Variants in CBL observed in about 807,000 individuals in gnomAD.
CBL encodes E3 ubiquitin-protein ligase CBL.
In CBL, 45 loss-of-function variants were observed where a neutral mutation model predicts 96.9. The ratio of observed to expected loss-of-function variants is 0.46; its 90% CI spans 0.37 to 0.60. The LOEUF (loss-of-function observed/expected upper bound fraction) is 0.60, where lower values mean the gene tolerates loss of function less well. Among genes scored for constraint, CBL ranks in the 20% least tolerant of loss-of-function variants. CBL has a pLI of 0.00. For synonymous variants in CBL, 420 were observed against 426.8 expected, an observed-to-expected ratio of 0.98 and a Z score of 0.20; for missense variants, 1,024 against 1,143.5, an observed-to-expected ratio of 0.90 and a Z score of 1.51.
chr11:119,290,720 G>A (rs1441259537), intron 12 of CBL, among the ~76,000 whole-genome samples: 1 of 150,086 alleles, frequency 6.7e-6, no homozygotes, highest in Non-Finnish European at 1.5e-5. Flanking sequence ...CTGTCACCCA[G>A]GCTGGAGTCC....
intron 9 of CBL, among the ~76,000 whole-genome samples, chr11:119,281,217 C>T (rs1198169647): frequency 1.3e-5 from 2 of 152,136 alleles, no homozygotes; most frequent in South Asian, 2.1e-4. Flanking sequence ...GACTTCATTG[C>T]CTCTCCTCTG....
Position 119,303,155 on chromosome 11 carries a change from A to G in CBL, c.*3374A>G, listed in dbSNP as rs1447429386. ...CTTGTAAAAACTAGGGACCATCTAT[A>G]TATTCCCTTTAAGATCTAGTTCTTT... On this transcript the variant is annotated 3_prime_UTR_variant, in exon 16 of 16. Transcript: ENST00000264033. 4.3e-6 allele frequency: 1 copy of G among 231,404 alleles called. No homozygotes were observed. Among genetic ancestry groups the G allele is most frequent in the Non-Finnish European group, 8.6e-6 (1 of 116,712 alleles). The allele number at this position is 231,404 out of a possible 1,614,324, so 14.3% of individuals were successfully genotyped here. A position where few individuals can be genotyped will look rare whatever the true frequency, so the allele number is the denominator to read the frequency against.
In CBL at chr11:119,304,667, C is replaced by T. The variant is rs1450598903; in HGVS notation, c.*4886C>T. The stretch of plus-strand genomic sequence containing the variant: ...TTTGAGATGGAGTCTCGCTGTGTCG[C>T]CCAGGCTGGAGTGCAGTGGTGCAGT... On this transcript the variant is annotated 3_prime_UTR_variant, in exon 16 of 16. Transcript: ENST00000264033. The T allele has an allele frequency of 9.5e-6, 2 of 209,706 alleles. No individual in the cohort carries two copies. Among genetic ancestry groups the T allele is most frequent in the Admixed American group, 1.2e-4 (2 of 16,882 alleles). The allele number at this position is 209,706 out of a possible 1,614,324, so 13.0% of individuals were successfully genotyped here.
At chr11:119,280,631 A>C (rs959648872) in intron 9 of CBL, among the ~76,000 whole-genome samples, 1 of 152,104 alleles carries the variant, frequency 6.6e-6, no homozygotes, top group East Asian at 1.9e-4. Flanking sequence ...GCTAAAAAAA[A>C]CTTACAAAAA....
chr11:119,255,591 C>G (rs1949705426), intron 2 of CBL, among the ~76,000 whole-genome samples: 1 of 151,966 alleles, frequency 6.6e-6, no homozygotes, highest in South Asian at 2.1e-4. Context: ...TCATTTAGGA[C>G]TTTTTCCATC....
chr11:119,256,254 C>T (rs923528274), intron 2 of CBL, among the ~76,000 whole-genome samples: 52 of 149,854 alleles, frequency 3.5e-4, no homozygotes, highest in African/African-American at 1.2e-3. Context: ...TGCAGTGGTG[C>T]GATCTCGACT....
chr11:119,270,954 A>G (rs896797174), intron 2 of CBL, among the ~76,000 whole-genome samples: 2 of 152,364 alleles, frequency 1.3e-5, no homozygotes, highest in Middle Eastern at 6.8e-3. Flanking sequence ...ACAGTAGCAT[A>G]TGCACTTATG....
chr11:119,254,072 G>A (rs2135282545), intron 2 of CBL, among the ~76,000 whole-genome samples: 1 of 150,538 alleles, frequency 6.6e-6, no homozygotes, highest in Middle Eastern at 3.5e-3. Context: ...AAGTCAGCTG[G>A]TCTTGGTGCC....
Position 119,301,415 on chromosome 11 carries a change from A to C in CBL, c.*1634A>C, listed in dbSNP as rs185710495. ...TAGCTCACTTTCTTAGCAGTGTGTA[A>C]GCTTTCTCCATGTCAGAAGCAAGCC... is the stretch of plus-strand genomic sequence containing the variant. On this transcript the variant is annotated 3_prime_UTR_variant, in exon 16 of 16. Coordinates refer to ENST00000264033, the MANE Select transcript of CBL (RefSeq NM_005188.4). The C allele has an allele frequency of 4.3e-6, 1 of 233,192 alleles. No homozygotes were observed. The highest frequency in any genetic ancestry group is 6.0e-5 in the East Asian group (1 of 16,576). 14.4% of individuals were successfully genotyped at this position (233,192 alleles called of 1,614,324 possible).
At position 119,249,211 on chromosome 11, in the gene CBL, G is replaced by A. The variant is rs547596827; in HGVS notation, c.443+16516G>A. Among the ~76,000 whole-genome samples the A allele has an allele frequency of 4.5e-4, 68 of 152,298 alleles. 1 individual carries two copies. The South Asian group carries it at 0.014, about 32-fold the overall frequency. On this transcript the variant is annotated intron_variant, in intron 2 of 15. Coordinates refer to ENST00000264033, the MANE Select transcript of CBL (RefSeq NM_005188.4). Reference sequence around the variant, plus strand: ...GTTCAAGTGTTCAGCAGATGAGTGGGTGAAGCAAATGTGTTATAGCCATAT... The same window carrying A: ...GTTCAAGTGTTCAGCAGATGAGTGGATGAAGCAAATGTGTTATAGCCATAT...
Position 119,206,499 on chromosome 11 carries a change from C to A in CBL, c.82C>A (p.Leu28Ile). 2 of 1,569,158 alleles carry A rather than the reference C, an allele frequency of 1.3e-6. No homozygotes were observed. Among genetic ancestry groups the A allele is most frequent in the South Asian group, 2.3e-5 (2 of 85,792 alleles). ...CTCGGGTTCGGGTGGCCTGATTGGG[C>A]TCATGAAGGACGCCTTCCAGCCGCA... The part of the protein sequence containing the change: ...GGSGSGGLIG[L>I]MKDAFQPHHH... The change falls in exon 1 of 16, where the codon CTC becomes ATC. Residue 28 changes from leucine (L) to isoleucine (I), a missense_variant. This residue lies in a region of CBL where 114 missense variants were observed against 117.4 expected (regional missense o/e 0.97). Transcript: ENST00000264033.
At chr11:119,292,921 T>C (rs1268629297) in intron 12 of CBL, among the ~76,000 whole-genome samples, 1 of 152,202 alleles carries the variant, frequency 6.6e-6, no homozygotes, top group Admixed American at 6.5e-5. Flanking sequence ...AAAGTGCATT[T>C]TGACTTACAG....
At chr11:119,233,103 G>A (rs112393061) in intron 2 of CBL, among the ~76,000 whole-genome samples, 472 of 152,216 alleles carry the variant, frequency 3.1e-3, no homozygotes, top group Non-Finnish European at 4.8e-3. Flanking sequence ...AGGGGAAAAA[G>A]CCACTAGTTT....
chr11:119,274,212 G>GTATA (rs1949871055), intron 4 of CBL, among the ~76,000 whole-genome samples, 188 bp downstream of exon 4: 1 of 151,592 alleles, frequency 6.6e-6, no homozygotes. Context: ...GTGTGTGTAT[G>GTATA]TATATATAGT....
rs944324848 is a variant in CBL, at chr11:119,299,730, C to T, written c.2670C>T (p.Asn890=). The T allele has an allele frequency of 1.2e-6, 2 of 1,614,224 alleles. No individual in the cohort carries two copies. Among genetic ancestry groups the T allele is most frequent in the East Asian group, 2.2e-5 (1 of 44,886 alleles). The part of the protein sequence containing the change: ...IAQNNIEMAK[N]ILREFVSISS... ...AGAACAACATCGAGATGGCCAAAAA[C>T]ATCCTCCGGGAATTTGTTTCCATTT... is the stretch of plus-strand genomic sequence containing the variant. The change falls in exon 16 of 16, where the codon AAC becomes AAT. Residue 890 remains asparagine (N), a synonymous_variant. Transcript: ENST00000264033.
rs1463615382 is a variant in CBL at position 119,278,312 on chromosome 11, A to G, written c.1227+15A>G. On this transcript the variant is annotated intron_variant, in intron 8 of 15. Transcript: ENST00000264033. ...CATCCTGGCAGGTACGGATCTAAACAGCGACTTTTTTCAGCTATGTAATAA... is the reference window on the plus strand; with the variant it reads ...CATCCTGGCAGGTACGGATCTAAACGGCGACTTTTTTCAGCTATGTAATAA... 1 of 1,613,876 alleles carries G rather than the reference A, an allele frequency of 6.2e-7. No homozygotes were observed. Among genetic ancestry groups the G allele is most frequent in the Non-Finnish European group, 8.5e-7 (1 of 1,179,898 alleles).
rs1440134128 is a variant in CBL, at chr11:119,274,016, C to G, written c.739C>G (p.Leu247Val). ...SVFEFDIFTR[L>V]FQPWSSLLRN... ...TTTTGAATTTGACATCTTTACCCGACTCTTTCAGGTAGGACACTAAAAAAG... is the reference window on the plus strand; with the variant it reads ...TTTTGAATTTGACATCTTTACCCGAGTCTTTCAGGTAGGACACTAAAAAAG... The change falls in exon 4 of 16, where the codon CTC (leucine) becomes GTC (valine). Residue 247 changes from leucine to valine, a missense_variant. By Grantham distance (32) the Leu-to-Val change is conservative (BLOSUM62 1). Coordinates refer to ENST00000264033, the MANE Select transcript of CBL (RefSeq NM_005188.4). The G allele has an allele frequency of 6.2e-7, 1 of 1,612,812 alleles. No homozygotes were observed. The highest frequency in any genetic ancestry group is 8.5e-7 in the Non-Finnish European group (1 of 1,179,520).
chr11:119,274,727 C>G (rs2135299997), intron 4 of CBL, 105 bp from the exon 5 acceptor site: 1 of 1,067,560 alleles, frequency 9.4e-7, no homozygotes, highest in Admixed American at 1.9e-5. Flanking sequence ...TTAAAAATTT[C>G]TGACAATGAA....
intron 5 of CBL, 119 bp from the exon 6 acceptor site, chr11:119,275,878 A>G (rs937625513): frequency 4.5e-5 from 47 of 1,041,806 alleles, no homozygotes; most frequent in Non-Finnish European, 3.8e-5. Context: ...AGAAAGAAAG[A>G]AAGGAAGAAA....
Sources: allele counts gnomAD v4.1 joint callset (sites outside exome capture counted in the v4.1 genomes callset), GRCh38; gene constraint gnomAD v4.1.1; regional missense constraint gnomAD v4.1.1; transcripts MANE v1.5; gene names NCBI Gene and HGNC (gene_info 2026-07-23, HGNC 2026-07-21).